The following LEKR1 variants were observed in gnomAD, a reference collection of about 807,000 sequenced individuals.
The protein encoded by LEKR1 is leucine, glutamate and lysine rich 1, also known as protein LEKR1.
Under a neutral mutation model 72.4 loss-of-function variants are expected in LEKR1, and 59 were observed. The observed-to-expected ratio is 0.82, with a 90% CI of 0.66 to 1.01. The LOEUF (loss-of-function observed/expected upper bound fraction) is 1.01, where lower values mean the gene tolerates loss of function less well. LEKR1 is among the 50% of genes least tolerant of loss of function. LEKR1 has a pLI of 0.00. For missense variants in LEKR1, 728 were observed against 759.2 expected, an observed-to-expected ratio of 0.96 and a Z score of 0.48; for synonymous variants, 257 against 263.2, an observed-to-expected ratio of 0.98 and a Z score of 0.23.
intron 3 of LEKR1, among the ~76,000 whole-genome samples, chr3:156,896,403 G>A (rs571873996): frequency 1.3e-5 from 2 of 152,156 alleles, no homozygotes; most frequent in East Asian, 1.9e-4. Context: ...ATTAACAGAT[G>A]GCTATCTTCT....
intron 2 of LEKR1, among the ~76,000 whole-genome samples, chr3:156,845,673 T>C (rs551467850): frequency 6.6e-6 from 1 of 152,252 alleles, no homozygotes; most frequent in South Asian, 2.1e-4. Flanking sequence ...TTCTGTTCTG[T>C]TCCATTGATC....
intron 5 of LEKR1, among the ~76,000 whole-genome samples, chr3:156,937,101 C>G (rs949145650): frequency 1.3e-4 from 20 of 152,004 alleles, no homozygotes; most frequent in Non-Finnish European, 2.8e-4. Flanking sequence ...ATGGTCATAC[C>G]TGTGAGCAGC....
intron 3 of LEKR1, among the ~76,000 whole-genome samples, chr3:156,889,974 T>C (rs1720494845): frequency 6.6e-6 from 1 of 152,240 alleles, no homozygotes; most frequent in Admixed American, 6.5e-5. Context: ...GCTTGTTTTG[T>C]CGCCTTGTTT....
chr3:156,854,433 A>T (rs1303965154), intron 3 of LEKR1, among the ~76,000 whole-genome samples: 1 of 152,084 alleles, frequency 6.6e-6, no homozygotes. Flanking sequence ...GGCGTGAGCC[A>T]CTGTGCCCAG....
intron 3 of LEKR1, among the ~76,000 whole-genome samples, chr3:156,916,221 T>C (rs1723630182): frequency 6.6e-6 from 1 of 152,140 alleles, no homozygotes; most frequent in Non-Finnish European, 1.5e-5. Flanking sequence ...TCCTTTTGCT[T>C]AGAATTGCTT....
At chr3:157,012,596 CA>C (rs1732981696) in intron 10 of LEKR1, among the ~76,000 whole-genome samples, 1 of 152,062 alleles carries the variant, frequency 6.6e-6, no homozygotes, top group Non-Finnish European at 1.5e-5. Context: ...AACAGTTGGC[CA>C]TACTCAGCCA....
chr3:156,919,587 G>A (rs1723998278), intron 3 of LEKR1, among the ~76,000 whole-genome samples: 1 of 152,084 alleles, frequency 6.6e-6, no homozygotes, highest in South Asian at 2.1e-4. Flanking sequence ...ATTTTCAATT[G>A]TTTGATTATA....
At chr3:156,924,448 A>G in intron 4 of LEKR1, 1 of 617,502 alleles carries the variant, frequency 1.6e-6, no homozygotes. Context: ...TCTTTTGAAA[A>G]GCAAAGTTTG....
chr3:156,896,167 T>TG (rs1010077023), intron 3 of LEKR1, among the ~76,000 whole-genome samples: 2 of 151,696 alleles, frequency 1.3e-5, no homozygotes, highest in Non-Finnish European at 2.9e-5. Flanking sequence ...TGAGAACACA[T>TG]GGGGGGAAAG....
At chr3:156,846,531 T>G (rs344092) in intron 2 of LEKR1, among the ~76,000 whole-genome samples, 46,024 of 151,660 alleles carry the variant, frequency 0.3, 9,945 homozygotes, top group African/African-American at 0.61. Context: ...TGAGGAAGGG[T>G]CCTAATGGCT....
chr3:156,902,568 G>C (rs1034565286), intron 3 of LEKR1, among the ~76,000 whole-genome samples: 3 of 152,086 alleles, frequency 2.0e-5, no homozygotes, highest in Admixed American at 6.6e-5. Flanking sequence ...CATCATGTAA[G>C]ACTACTAAAA....
intron 7 of LEKR1, among the ~76,000 whole-genome samples, chr3:156,982,418 A>C (rs1248157278): frequency 1.3e-5 from 2 of 152,344 alleles, no homozygotes; most frequent in Non-Finnish European, 1.5e-5. Flanking sequence ...GAGAAAAAAG[A>C]ATTATCAGAT....
Position 156,972,071 on chromosome 3 carries a change from G to T in LEKR1, c.746-7123G>T, listed in dbSNP as rs189520094. Reference sequence around the variant, plus strand: ...GTTTATTGCGGCACTATTCACAATAGCAAAGACTTGGAACCAAGCCAAATG... The same window carrying T: ...GTTTATTGCGGCACTATTCACAATATCAAAGACTTGGAACCAAGCCAAATG... On this transcript the variant is annotated intron_variant, in intron 6 of 12. Transcript: ENST00000356539. Among the ~76,000 whole-genome samples the T allele has an allele frequency of 2.1e-4, 32 of 152,244 alleles. No homozygotes were observed. In the East Asian group the frequency reaches 6.0e-3, roughly 28 times the overall value.
chr3:156,912,467 G>A (rs1428807791), intron 3 of LEKR1, among the ~76,000 whole-genome samples: 1 of 152,194 alleles, frequency 6.6e-6, no homozygotes, highest in Non-Finnish European at 1.5e-5. Context: ...CTCACTTGCA[G>A]TATTCACTTA....
At chr3:157,032,949 T>G (rs1442135576) in intron 12 of LEKR1, among the ~76,000 whole-genome samples, 1 of 152,220 alleles carries the variant, frequency 6.6e-6, no homozygotes, top group African/African-American at 2.4e-5. Flanking sequence ...TTTTAAACTC[T>G]TTCATTATTA....
intron 6 of LEKR1, among the ~76,000 whole-genome samples, chr3:156,964,631 G>T (rs902970924): frequency 2.6e-5 from 4 of 152,128 alleles, no homozygotes; most frequent in Non-Finnish European, 5.9e-5. Context: ...CTTGTCTTTT[G>T]CCTATTTTAC....
At chr3:156,890,344 A>G (rs1035637434) in intron 3 of LEKR1, among the ~76,000 whole-genome samples, 1 of 152,314 alleles carries the variant, frequency 6.6e-6, no homozygotes, top group East Asian at 1.9e-4. Flanking sequence ...TATGTATTGT[A>G]TAGCTTCACA....
intron 9 of LEKR1, among the ~76,000 whole-genome samples, chr3:156,996,573 A>C (rs575269071): frequency 1.3e-5 from 2 of 152,214 alleles, no homozygotes; most frequent in Non-Finnish European, 2.9e-5. Flanking sequence ...TGGACGGAGA[A>C]GGTATTGGCA....
intron 3 of LEKR1, among the ~76,000 whole-genome samples, chr3:156,854,597 T>A: frequency 6.6e-6 from 1 of 151,408 alleles, no homozygotes; most frequent in Non-Finnish European, 1.5e-5. Context: ...TGGTGTGAAA[T>A]GGCACTATAC....
Sources: allele counts gnomAD v4.1 joint callset (sites outside exome capture counted in the v4.1 genomes callset), GRCh38; gene constraint gnomAD v4.1.1; transcripts MANE v1.5; gene names NCBI Gene and HGNC (gene_info 2026-07-23, HGNC 2026-07-21).